Variants in SMARCA2 observed in about 807,000 individuals in gnomAD.
SMARCA2 encodes the protein SWI/SNF related BAF chromatin remodeling complex subunit ATPase 2.
SMARCA2 carries 61 observed loss-of-function variants against 199.8 expected under a neutral mutation model. That is an observed-to-expected ratio of 0.31 (90% CI 0.25 to 0.38). The LOEUF is 0.38. Among genes scored for constraint, SMARCA2 ranks in the 10% least tolerant of loss-of-function variants. The pLI is 1.00. For missense variants in SMARCA2, 1,344 were observed against 2,012.2 expected (o/e 0.67, Z 6.35); for synonymous variants, 935 against 732.0 (o/e 1.28, Z -4.48).
rs886721202 is a variant in SMARCA2, at chr9:2,017,924, C to A, written c.-37+2520C>A. The A allele has an allele frequency of 4.6e-5, 7 of 152,304 alleles. No individual in the cohort carries two copies. Among genetic ancestry groups the A allele is most frequent in the African/African-American group, 1.4e-4 (6 of 41,466 alleles). The allele number at this position is 152,304 out of a possible 1,614,324, so 9.4% of individuals were successfully genotyped here. A position where few individuals can be genotyped will look rare whatever the true frequency, so the allele number is the denominator to read the frequency against. Reference sequence around the variant, plus strand: ...GTCAGGCAGGCGGGGGAAATGGGCTCCTTGTCCTCCGATCGATTGCGTGGA... The same window carrying A: ...GTCAGGCAGGCGGGGGAAATGGGCTACTTGTCCTCCGATCGATTGCGTGGA... On this transcript the variant is annotated intron_variant, in intron 1 of 33. Transcript: ENST00000349721. The surrounding 1 kb of genome is among the most constrained non-coding windows in gnomAD (Gnocchi z 8.8).
rs929180976 is a variant in SMARCA2 at position 2,016,737 on chromosome 9, G to C, written c.-37+1333G>C. 6.6e-6 allele frequency among the ~76,000 whole-genome samples: 1 copy of C among 152,254 alleles called. No homozygotes were observed. Among genetic ancestry groups the C allele is most frequent in the Admixed American group, 6.5e-5 (1 of 15,308 alleles). ...AGGAGCCTCCTCCCAACGATGACAC[G>C]CACTCCTTCCTTCTCGCTCCCTGCT... On this transcript the variant is annotated intron_variant, in intron 1 of 33. Coordinates refer to ENST00000349721, the MANE Select transcript of SMARCA2 (RefSeq NM_003070.5). The surrounding 1 kb of genome is among the most constrained non-coding windows in gnomAD (Gnocchi z 5.6).
At chr9:2,185,146 A>T (rs1270872230) in intron 31 of SMARCA2, among the ~76,000 whole-genome samples, 1 of 151,984 alleles carries the variant, frequency 6.6e-6, no homozygotes, top group Non-Finnish European at 1.5e-5. Context: ...TAATCTTGCG[A>T]CTCTGAAACT....
At chr9:2,189,682 A>T (rs1004204433) in intron 32 of SMARCA2, among the ~76,000 whole-genome samples, 1 of 151,986 alleles carries the variant, frequency 6.6e-6, no homozygotes, top group African/African-American at 2.4e-5. Flanking sequence ...GCCCCACCTT[A>T]TAGCTTGTCA....
At chr9:2,080,056 T>C (rs1223168414) in intron 14 of SMARCA2, 1 of 152,274 alleles carries the variant, frequency 6.6e-6, no homozygotes, top group Non-Finnish European at 1.5e-5. Context: ...CCTGATGAGA[T>C]CTCACAAACC....
intron 1 of SMARCA2, 54 bp from the exon 2 acceptor site, chr9:2,028,932 TG>T: frequency 7.3e-7 from 1 of 1,371,708 alleles, no homozygotes; most frequent in Non-Finnish European, 1.0e-6. Context: ...TGTTTTATTC[TG>T]GTCTTAACAT....
At chr9:2,048,639 T>C (rs765523696) in intron 5 of SMARCA2, among the ~76,000 whole-genome samples, 9 of 152,164 alleles carry the variant, frequency 5.9e-5, no homozygotes, top group Non-Finnish European at 1.3e-4. Flanking sequence ...CTGAAAGAAA[T>C]CAGAATAACT....
chr9:2,171,698 G>A (rs1045478495), intron 29 of SMARCA2, among the ~76,000 whole-genome samples: 8 of 152,102 alleles, frequency 5.3e-5, no homozygotes, highest in Non-Finnish European at 8.8e-5. Flanking sequence ...CATAAGTTTG[G>A]GCAGTTTAAA....
intron 5 of SMARCA2, among the ~76,000 whole-genome samples, chr9:2,053,406 T>C (rs973633008): frequency 6.6e-6 from 1 of 152,236 alleles, no homozygotes; most frequent in African/African-American, 2.4e-5. Context: ...ATCTTAATTA[T>C]CTATCATTTT....
intron 25 of SMARCA2, among the ~76,000 whole-genome samples, chr9:2,117,750 TC>T (rs1290441689): frequency 3.3e-5 from 5 of 152,148 alleles, no homozygotes; most frequent in Non-Finnish European, 5.9e-5. Context: ...TGACGTGCAC[TC>T]CCCTCCCAGT....
At chr9:2,142,982 A>C (rs991426180) in intron 27 of SMARCA2, among the ~76,000 whole-genome samples, 1 of 151,530 alleles carries the variant, frequency 6.6e-6, no homozygotes, top group Non-Finnish European at 1.5e-5. Context: ...GATTTTTTTT[A>C]AGTTCTTAAA....
intron 1 of SMARCA2, among the ~76,000 whole-genome samples, chr9:2,027,210 G>A (rs1229032710): frequency 6.6e-6 from 1 of 152,172 alleles, no homozygotes; most frequent in African/African-American, 2.4e-5. Context: ...GGGAGGCTGA[G>A]GTGGGACGAT....
At chr9:2,067,291 C>A (rs1034981312) in intron 9 of SMARCA2, among the ~76,000 whole-genome samples, 1 of 152,228 alleles carries the variant, frequency 6.6e-6, no homozygotes, top group African/African-American at 2.4e-5. Context: ...TTTGTGCTTT[C>A]ATTCATTCCT....
At chr9:2,122,386 C>T (rs1823502242) in intron 26 of SMARCA2, among the ~76,000 whole-genome samples, 2 of 152,098 alleles carry the variant, frequency 1.3e-5, no homozygotes, top group South Asian at 4.1e-4. Flanking sequence ...CGAAGCCCCT[C>T]TTTAGAACTG....
At position 2,047,431 on chromosome 9, in the gene SMARCA2, C is replaced by T. The variant is rs1819914294; in HGVS notation, c.993C>T (p.Ile331=). ...AGAAGCAGAGCCGCATCAGCCCCAT[C>T]CAGAAACCGCAAGGCCTGGACCCCG... ...LQQKQSRISP[I]QKPQGLDPVE... The change falls in exon 5 of 34, where the codon ATC becomes ATT. Residue 331 remains isoleucine, a synonymous_variant. Coordinates refer to ENST00000349721, the MANE Select transcript of SMARCA2 (RefSeq NM_003070.5). The T allele has an allele frequency of 1.3e-6, 2 of 1,586,172 alleles. No homozygotes were observed. Among genetic ancestry groups the T allele is most frequent in the Non-Finnish European group, 8.6e-7 (1 of 1,167,730 alleles).
chr9:2,178,075 G>T (rs1190419322), intron 29 of SMARCA2, among the ~76,000 whole-genome samples: 1 of 86,732 alleles, frequency 1.2e-5, no homozygotes, highest in Admixed American at 1.4e-4. Context: ...AGTAGTGTGT[G>T]TATATAAGCC....
chr9:2,153,133 TG>T (rs1293938788), intron 27 of SMARCA2, among the ~76,000 whole-genome samples: 1 of 152,064 alleles, frequency 6.6e-6, no homozygotes, highest in Non-Finnish European at 1.5e-5. Context: ...AAGGATAAAA[TG>T]TTGGAAGCCA....
chr9:2,149,711 C>T (rs1824958863), intron 27 of SMARCA2, among the ~76,000 whole-genome samples: 1 of 151,464 alleles, frequency 6.6e-6, no homozygotes, highest in Admixed American at 6.6e-5. Context: ...CAGAGCCAAA[C>T]CATATCACTG....
chr9:2,069,949 C>G (rs185720013), intron 9 of SMARCA2, among the ~76,000 whole-genome samples: 4 of 152,168 alleles, frequency 2.6e-5, no homozygotes, highest in African/African-American at 4.8e-5. Context: ...CCTTCCCCCC[C>G]AGTAGTCCCC....
intron 5 of SMARCA2, 171 bp downstream of exon 5, chr9:2,047,655 G>A (rs1819930694): frequency 8.6e-6 from 7 of 810,472 alleles, no homozygotes; most frequent in East Asian, 7.8e-5. Flanking sequence ...GGGAGGCACC[G>A]GGGTTTTGAA....
Sources: gnomAD v4.1 joint callset for allele counts (sites outside exome capture counted in the v4.1 genomes callset) on GRCh38, gnomAD v4.1.1 for gene constraint, Gnocchi (gnomAD v3.1) non-coding constraint, MANE v1.5 for transcripts, NCBI Gene and HGNC (gene_info 2026-07-23, HGNC 2026-07-21) for gene names.